Variants in RARA observed in about 807,000 individuals in gnomAD.
RARA encodes retinoic acid receptor alpha, also known as PML-DDX5-RARA fusion.
Under a neutral mutation model 42.8 loss-of-function variants are expected in RARA, and 5 were observed. The observed-to-expected ratio is 0.12, with a 90% CI of 0.06 to 0.25. The LOEUF (loss-of-function observed/expected upper bound fraction) is 0.25. Ranked by LOEUF, RARA falls within the 10% of genes least tolerant of loss-of-function variation. The pLI, the probability that RARA is intolerant of heterozygous loss-of-function variation, is 1.00. For synonymous variants in RARA, 256 were observed against 259.5 expected, an observed-to-expected ratio of 0.99 and a Z score of 0.13; for missense variants, 402 against 628.7, an observed-to-expected ratio of 0.64 and a Z score of 3.86.
Position 40,354,509 on chromosome 17 carries a change from G to T in RARA, c.1012+3G>T. 1 of 1,613,160 alleles carries T rather than the reference G, an allele frequency of 6.2e-7. No individual in the cohort carries two copies. On this transcript the variant is annotated splice_donor_region_variant and intron_variant, in intron 7 of 8. Transcript: ENST00000254066. This position sits in a 1 kb window ranked among gnomAD's most constrained non-coding sequence, Gnocchi z 4.5. Reference sequence around the variant, plus strand: ...CGCCATCTGCCTCATCTGCGGAGGTGGGCAGGGGGCCTGGGTCTGGGGGCT... The same window carrying T: ...CGCCATCTGCCTCATCTGCGGAGGTTGGCAGGGGGCCTGGGTCTGGGGGCT...
In RARA at chr17:40,354,556, C is replaced by T. The variant is rs1379448992; in HGVS notation, c.1012+50C>T. The T allele has an allele frequency of 6.3e-7, 1 of 1,585,558 alleles. No individual in the cohort carries two copies. The highest frequency in any genetic ancestry group is 8.6e-7 in the Non-Finnish European group (1 of 1,162,660). Reference sequence around the variant, plus strand: ...GGCTGGGCTGGGACGGGGGTGCAGCCCTGGAGTCTCTTCCAGGGAGCTCTT... The same window carrying T: ...GGCTGGGCTGGGACGGGGGTGCAGCTCTGGAGTCTCTTCCAGGGAGCTCTT... On this transcript the variant is annotated intron_variant, in intron 7 of 8. Transcript: ENST00000254066. This position sits in a 1 kb window ranked among gnomAD's most constrained non-coding sequence, Gnocchi z 4.5.
At chr17:40,328,833 A>T (rs2033613607) in intron 1 of RARA, among the ~76,000 whole-genome samples, 1 of 152,192 alleles carries the variant, frequency 6.6e-6, no homozygotes, top group Non-Finnish European at 1.5e-5. Context: ...TTTTGGGTTG[A>T]TTCCACTTTT....
chr17:40,348,286 C>CT (rs1287512370), intron 2 of RARA, 30 bp from the exon 3 acceptor site: 2 of 1,528,602 alleles, frequency 1.3e-6, no homozygotes, highest in African/African-American at 1.4e-5. Flanking sequence ...ACCTAGGTCT[C>CT]TAACTGCCCC....
chr17:40,333,162 G>A (rs1490551534), intron 2 of RARA, among the ~76,000 whole-genome samples: 8 of 152,060 alleles, frequency 5.3e-5, no homozygotes, highest in African/African-American at 9.7e-5. Context: ...CAACTCTTCC[G>A]CTTCGGCCTC....
intron 1 of RARA, among the ~76,000 whole-genome samples, chr17:40,315,132 G>GTATA (rs71356657): frequency 0.054 from 3,412 of 63,734 alleles, 139 homozygotes; most frequent in Admixed American, 0.077. Flanking sequence ...GCTTATATGT[G>GTATA]TATATATATA....
rs142718201 is a variant in RARA, at chr17:40,351,938, G to A, written c.498G>A (p.Lys166=). Residue 166 remains lysine (K), a synonymous_variant, in exon 5 of 9, where the codon AAG becomes AAA. Transcript: ENST00000254066. This position sits in a 1 kb window ranked among gnomAD's most constrained non-coding sequence, Gnocchi z 4.1. ...TGAGAAACGACCGAAACAAGAAGAA[G>A]AAGGAGGTGCCCAAGCCCGAGTGCT... The part of the protein sequence containing the change: ...ESVRNDRNKK[K]KEVPKPECSE... The A allele has an allele frequency of 2.3e-5, 37 of 1,612,608 alleles. No homozygotes were observed. The African/African-American group carries it at 4.3e-4, about 19-fold the overall frequency.
In RARA at chr17:40,351,221, C is replaced by T. The variant is rs569135721; in HGVS notation, c.470-689C>T. On this transcript the variant is annotated intron_variant, in intron 4 of 8. Coordinates refer to ENST00000254066, the MANE Select transcript of RARA (RefSeq NM_000964.4). This position sits in a 1 kb window ranked among gnomAD's most constrained non-coding sequence, Gnocchi z 4.1. ...CAAATTATGCCAGCTACCCCCACCTCGCTACCCCCTCCCTGAGCCCCTCCC... is the reference window on the plus strand; with the variant it reads ...CAAATTATGCCAGCTACCCCCACCTTGCTACCCCCTCCCTGAGCCCCTCCC... 1.5e-4 allele frequency among the ~76,000 whole-genome samples: 23 copies of T among 151,336 alleles called. No individual in the cohort carries two copies. The South Asian group carries it at 2.9e-3, about 19-fold the overall frequency.
chr17:40,328,861 G>A (rs528672100), intron 1 of RARA, among the ~76,000 whole-genome samples: 1 of 152,274 alleles, frequency 6.6e-6, no homozygotes, highest in Non-Finnish European at 1.5e-5. Flanking sequence ...TAGGAATAAC[G>A]CTGCTGTGAA....
At chr17:40,342,472 C>T in intron 2 of RARA, 4 of 1,230,188 alleles carry the variant, frequency 3.3e-6, no homozygotes, top group East Asian at 3.7e-5. Context: ...AGCCGACGGA[C>T]CCCCCCTCCC....
chr17:40,341,390 A>G (rs1054722926), intron 2 of RARA: 36 of 1,477,840 alleles, frequency 2.4e-5, no homozygotes, highest in Non-Finnish European at 3.2e-5. Flanking sequence ...GGAGTCACAC[A>G]TGATGTCACA....
At chr17:40,318,708 C>T (rs1353389268) in intron 1 of RARA, among the ~76,000 whole-genome samples, 1 of 152,236 alleles carries the variant, frequency 6.6e-6, no homozygotes, top group Non-Finnish European at 1.5e-5. Flanking sequence ...CCCCCGCGCT[C>T]GAGCTGTTGC....
At chr17:40,314,253 C>G (rs548013051) in intron 1 of RARA, among the ~76,000 whole-genome samples, 1 of 151,644 alleles carries the variant, frequency 6.6e-6, no homozygotes, top group Non-Finnish European at 1.5e-5. Flanking sequence ...TCTGGTAACT[C>G]AATCCCTGCA....
At position 40,326,993 on chromosome 17, in the gene RARA, C is replaced by T. The variant is rs1298707554; in HGVS notation, c.-362-3864C>T. On this transcript the variant is annotated intron_variant, in intron 1 of 8. Coordinates refer to ENST00000254066, the MANE Select transcript of RARA (RefSeq NM_000964.4). The surrounding 1 kb of genome is among the most constrained non-coding windows in gnomAD (Gnocchi z 5.2). ...CCCTCCTGCGGCTCAAGGCCCTCCCCAGGGAGCTGAGTAAATTTGCACTGA... is the reference window on the plus strand; with the variant it reads ...CCCTCCTGCGGCTCAAGGCCCTCCCTAGGGAGCTGAGTAAATTTGCACTGA... Among the ~76,000 whole-genome samples, 1 of 152,180 alleles carries T rather than the reference C, an allele frequency of 6.6e-6. No homozygotes were observed. The highest frequency in any genetic ancestry group is 1.5e-5 in the Non-Finnish European group (1 of 68,040).
At position 40,357,356 on chromosome 17, in the gene RARA, A is replaced by G. The variant is rs1598594077; in HGVS notation, c.*1130A>G. 3.0e-5 allele frequency: 7 copies of G among 230,930 alleles called. 1 individual carries two copies. The East Asian group carries it at 4.3e-4, about 14-fold the overall frequency. The allele number at this position is 230,930 out of a possible 1,614,324, so 14.3% of individuals were successfully genotyped here. ...TGCGCACACACACAAACACACACAC[A>G]CTGGACAGTAGATGGGCCGACACAC... On this transcript the variant is annotated 3_prime_UTR_variant, in exon 9 of 9. Transcript: ENST00000254066.
chr17:40,328,305 T>C (rs2033598569), intron 1 of RARA, among the ~76,000 whole-genome samples: 2 of 152,268 alleles, frequency 1.3e-5, no homozygotes, highest in South Asian at 2.1e-4. Flanking sequence ...TGGAACCTAG[T>C]GTAGCCTGAG....
At position 40,354,454 on chromosome 17, in the gene RARA, G is replaced by A. The variant is rs2034548606; in HGVS notation, c.960G>A (p.Glu320=). 1 of 1,609,224 alleles carries A rather than the reference G, an allele frequency of 6.2e-7. No homozygotes were observed. The highest frequency in any genetic ancestry group is 2.2e-5 in the East Asian group (1 of 44,620). Residue 320 remains glutamate, a synonymous_variant, in exon 7 of 9, where the codon GAG becomes GAA. Transcript: ENST00000254066. This position sits in a 1 kb window ranked among gnomAD's most constrained non-coding sequence, Gnocchi z 4.5. ...TCGCCAACCAGCTGCTGCCCCTGGA[G>A]ATGGATGATGCGGAGACGGGGCTGC... ...FAFANQLLPL[E]MDDAETGLLS... is the part of the protein sequence containing the mutation.
rs996729551 is a variant in RARA, at chr17:40,342,404, G to C, written c.179-5912G>C. The C allele has an allele frequency of 3.9e-5, 45 of 1,155,854 alleles. No homozygotes were observed. The African/African-American group carries it at 7.0e-4, about 18-fold the overall frequency. The allele number at this position is 1,155,854 out of a possible 1,614,324, so 71.6% of individuals were successfully genotyped here. A position where few individuals can be genotyped will look rare whatever the true frequency, so the allele number is the denominator to read the frequency against. On this transcript the variant is annotated intron_variant, in intron 2 of 8. Transcript: ENST00000254066. ...CTCGGACGCCACGAGACTCTAGACG[G>C]GAGTCCCCTCGAGGTGAAGCCGCTG...
chr17:40,352,788 G>A lies in RARA; in HGVS notation c.807+281G>A, dbSNP rs530599017. Among the ~76,000 whole-genome samples the A allele has an allele frequency of 1.3e-5, 2 of 152,270 alleles. No individual in the cohort carries two copies. The highest frequency in any genetic ancestry group is 4.8e-5 in the African/African-American group (2 of 41,566). ...CATTTAGCCAGTAATAAAGATTCACGTAGGAGCCAGGTGCAGTGGCTCATA... is the reference window on the plus strand; with the variant it reads ...CATTTAGCCAGTAATAAAGATTCACATAGGAGCCAGGTGCAGTGGCTCATA... On this transcript the variant is annotated intron_variant, in intron 6 of 8. Transcript: ENST00000254066. This position sits in a 1 kb window ranked among gnomAD's most constrained non-coding sequence, Gnocchi z 4.9.
At chr17:40,313,783 C>G (rs1377923921) in intron 1 of RARA, among the ~76,000 whole-genome samples, 1 of 152,186 alleles carries the variant, frequency 6.6e-6, no homozygotes, top group Non-Finnish European at 1.5e-5. Flanking sequence ...CCCTCCCCTT[C>G]TCTCTACGCA....
Sources: gnomAD v4.1 joint callset for allele counts (sites outside exome capture counted in the v4.1 genomes callset) on GRCh38, gnomAD v4.1.1 for gene constraint, Gnocchi (gnomAD v3.1) non-coding constraint, MANE v1.5 for transcripts, NCBI Gene and HGNC (gene_info 2026-07-23, HGNC 2026-07-21) for gene names.